Variants in NAALADL2 observed in about 807,000 individuals in gnomAD.
NAALADL2 encodes the protein N-acetylated alpha-linked acidic dipeptidase like 2.
NAALADL2 carries 76 observed loss-of-function variants against 87.2 expected under a neutral mutation model. The ratio of observed to expected loss-of-function variants is 0.87; its 90% CI spans 0.72 to 1.05. NAALADL2 has a LOEUF of 1.05. NAALADL2 is among the 50% of genes least tolerant of loss of function. The pLI, the probability that NAALADL2 is intolerant of heterozygous loss-of-function variation, is 0.00. For synonymous variants in NAALADL2, 354 were observed against 331.0 expected, an observed-to-expected ratio of 1.07 and a Z score of -0.75; for missense variants, 1,089 against 945.8, an observed-to-expected ratio of 1.15 and a Z score of -1.99.
At chr3:175,447,474 A>ATC in intron 6 of NAALADL2, 102 bp downstream of exon 6, 1 of 756,542 alleles carries the variant, frequency 1.3e-6, no homozygotes, top group Non-Finnish European at 1.9e-6. Flanking sequence ...TCTTTTCAAA[A>ATC]ACATTGACTT....
rs770327584 is a variant in NAALADL2 at position 175,234,056 on chromosome 3, C to T, written c.671C>T (p.Pro224Leu). Residue 224 changes from proline to leucine, a missense_variant, in exon 3 of 14, where the codon CCA (proline) becomes CTA (leucine). Physicochemically the swap from Pro to Leu is moderately conservative, Grantham distance 98. Coordinates refer to ENST00000454872, the MANE Select transcript of NAALADL2 (RefSeq NM_207015.3). ...FVNYSVLLDL[P>L]GPSPSTVTLS... ...AATTACTCTGTGCTGCTTGATCTGC[C>T]AGGCCCTTCTCCCAGCACTGTGACT... 6 of 1,613,874 alleles carry T rather than the reference C, an allele frequency of 3.7e-6. No individual in the cohort carries two copies. The South Asian group carries it at 5.5e-5, about 15-fold the overall frequency.
chr3:175,299,371 T>C (rs1756757356), intron 4 of NAALADL2, among the ~76,000 whole-genome samples: 1 of 152,168 alleles, frequency 6.6e-6, no homozygotes, highest in Non-Finnish European at 1.5e-5. Context: ...AATCTGTAAA[T>C]TACTTTGGCC....
At chr3:175,043,796 G>T (rs1464433345) in intron 1 of NAALADL2, among the ~76,000 whole-genome samples, 1 of 152,096 alleles carries the variant, frequency 6.6e-6, no homozygotes, top group Non-Finnish European at 1.5e-5. Context: ...AATAAAATTT[G>T]AAATCAGGAA....
Position 175,809,642 on chromosome 3 carries a change from A to G in NAALADL2, c.*6439A>G, listed in dbSNP as rs1336821953. ...TTTGGGCCCAAAAGTTTGAAGCTGC[A>G]GTGAGCTAAAATCATGCCACTGTAG... On this transcript the variant is annotated 3_prime_UTR_variant, in exon 14 of 14. Coordinates refer to ENST00000454872, the MANE Select transcript of NAALADL2 (RefSeq NM_207015.3). 6.6e-6 allele frequency: 1 copy of G among 151,808 alleles called. No individual in the cohort carries two copies. The highest frequency in any genetic ancestry group is 1.9e-4 in the East Asian group (1 of 5,172). The allele number at this position is 151,808 out of a possible 1,614,324, so 9.4% of individuals were successfully genotyped here.
At chr3:174,462,914 A>G (rs759582247) in intron 1 of NAALADL2, among the ~76,000 whole-genome samples, 4 of 152,224 alleles carry the variant, frequency 2.6e-5, no homozygotes, top group Non-Finnish European at 5.9e-5. Context: ...TCTTTGCTTC[A>G]TTGTCAGAGT....
At chr3:175,205,137 A>G (rs1740632484) in intron 2 of NAALADL2, among the ~76,000 whole-genome samples, 1 of 152,150 alleles carries the variant, frequency 6.6e-6, no homozygotes, top group South Asian at 2.1e-4. Flanking sequence ...AAAAGTGTCC[A>G]CATAGCCAAA....
chr3:175,189,761 T>C lies in NAALADL2; in HGVS notation c.546-44170T>C, dbSNP rs1042907817. Reference sequence around the variant, plus strand: ...CATAAAAGATGTTGAATAGCCAAAGTAATTCTGAGAAAGAAAAACAGCATT... The same window carrying C: ...CATAAAAGATGTTGAATAGCCAAAGCAATTCTGAGAAAGAAAAACAGCATT... On this transcript the variant is annotated intron_variant, in intron 2 of 13. Transcript: ENST00000454872. Among the ~76,000 whole-genome samples the C allele has an allele frequency of 9.2e-5, 14 of 152,284 alleles. No homozygotes were observed. The East Asian group carries it at 2.7e-3, about 29-fold the overall frequency.
intron 2 of NAALADL2, among the ~76,000 whole-genome samples, chr3:174,690,553 A>T (rs887177183): frequency 9.2e-5 from 14 of 152,150 alleles, no homozygotes; most frequent in African/African-American, 3.4e-4. Flanking sequence ...CCTAAGCAAA[A>T]TGTAATTAGG....
At chr3:174,992,924 C>G (rs1341305113) in intron 1 of NAALADL2, among the ~76,000 whole-genome samples, 1 of 152,090 alleles carries the variant, frequency 6.6e-6, no homozygotes, top group Non-Finnish European at 1.5e-5. Flanking sequence ...ATGAACCATT[C>G]TATCTTATTT....
At chr3:175,300,431 T>C (rs370619586) in intron 4 of NAALADL2, among the ~76,000 whole-genome samples, 414 of 152,302 alleles carry the variant, frequency 2.7e-3, no homozygotes, top group African/African-American at 9.3e-3. Context: ...GGCTTTTTTT[T>C]GGTTTGTAGG....
At chr3:174,987,006 G>T (rs934460472) in intron 1 of NAALADL2, among the ~76,000 whole-genome samples, 12 of 152,016 alleles carry the variant, frequency 7.9e-5, no homozygotes, top group African/African-American at 2.9e-4. Context: ...TTGATAATCT[G>T]GTTAAAAATT....
At chr3:174,672,624 T>C (rs1271230982) in intron 2 of NAALADL2, among the ~76,000 whole-genome samples, 2 of 152,096 alleles carry the variant, frequency 1.3e-5, no homozygotes, top group Non-Finnish European at 2.9e-5. Flanking sequence ...ATAGGAAGTG[T>C]CAGGGAGCAC....
At chr3:175,460,844 G>A (rs919351146) in intron 6 of NAALADL2, among the ~76,000 whole-genome samples, 1 of 152,172 alleles carries the variant, frequency 6.6e-6, no homozygotes, top group East Asian at 1.9e-4. Flanking sequence ...GACCCAAAGA[G>A]TGCGCAGCAG....
At position 174,825,535 on chromosome 3, in the gene NAALADL2, G is replaced by A. The variant is rs183617067; in HGVS notation, c.-9+87789G>A. ...CTTTACTCAGTGTACTGATACAAAT[G>A]CCAGTCTGTTCCAGAAATACCCACA... On this transcript the variant is annotated intron_variant, in intron 3 of 3. Transcript: ENST00000434257. Among the ~76,000 whole-genome samples, 9 of 152,290 alleles carry A rather than the reference G, an allele frequency of 5.9e-5. No individual in the cohort carries two copies. In the East Asian group the frequency reaches 1.2e-3, roughly 20 times the overall value.
chr3:174,578,716 T>C (rs567237004), intron 2 of NAALADL2, among the ~76,000 whole-genome samples: 2 of 152,018 alleles, frequency 1.3e-5, no homozygotes, highest in East Asian at 1.9e-4. Context: ...CAAGTAATTA[T>C]ATAAAAATTT....
At chr3:174,711,568 A>G (rs895101604) in intron 2 of NAALADL2, among the ~76,000 whole-genome samples, 1 of 152,116 alleles carries the variant, frequency 6.6e-6, no homozygotes, top group Admixed American at 6.5e-5. Context: ...TAAACTTCCA[A>G]AGTGTGTTCA....
intron 5 of NAALADL2, among the ~76,000 whole-genome samples, chr3:175,361,905 C>T (rs560895623): frequency 1.4e-5 from 2 of 148,026 alleles, no homozygotes; most frequent in Admixed American, 1.4e-4. Context: ...GCTTTTGTTG[C>T]CATTGCTTTT....
intron 5 of NAALADL2, among the ~76,000 whole-genome samples, chr3:175,362,933 G>A (rs369540795): frequency 1.4e-5 from 2 of 147,910 alleles, no homozygotes; most frequent in South Asian, 2.2e-4. Context: ...CTGATCATTA[G>A]TGATGTTGTT....
At chr3:174,949,969 A>G (rs1670623167) in intron 1 of NAALADL2, among the ~76,000 whole-genome samples, 1 of 152,140 alleles carries the variant, frequency 6.6e-6, no homozygotes, top group South Asian at 2.1e-4. Flanking sequence ...TTTGCATTGG[A>G]ACCATTGAGG....
Sources: gnomAD v4.1 joint callset for allele counts (sites outside exome capture counted in the v4.1 genomes callset) on GRCh38, gnomAD v4.1.1 for gene constraint, MANE v1.5 for transcripts, NCBI Gene and HGNC (gene_info 2026-07-23, HGNC 2026-07-21) for gene names.